RCAN2: variants seen among roughly 807,000 people sequenced by gnomAD.
The protein encoded by RCAN2 is regulator of calcineurin 2.
In RCAN2, 9 loss-of-function variants were observed where a neutral mutation model predicts 23.6. The observed-to-expected ratio is 0.38, with a 90% CI of 0.23 to 0.67. The LOEUF is 0.67. Among genes scored for constraint, RCAN2 ranks in the 30% least tolerant of loss-of-function variants. The pLI is 0.51. For missense variants in RCAN2, 273 were observed against 302.3 expected, an observed-to-expected ratio of 0.90 and a Z score of 0.72; for synonymous variants, 109 against 115.7, an observed-to-expected ratio of 0.94 and a Z score of 0.37.
chr6:46,352,424 G>T (rs1764683980), intron 2 of RCAN2, among the ~76,000 whole-genome samples: 1 of 152,086 alleles, frequency 6.6e-6, no homozygotes, highest in Non-Finnish European at 1.5e-5. Context: ...TCCCCTCTGA[G>T]GACTGAGTTT....
intron 1 of RCAN2, among the ~76,000 whole-genome samples, chr6:46,489,604 C>T (rs1287941588): frequency 3.3e-5 from 5 of 152,234 alleles, no homozygotes; most frequent in Non-Finnish European, 5.9e-5. Context: ...AGAAAGCTCT[C>T]GAGTTCCCAC....
intron 2 of RCAN2, among the ~76,000 whole-genome samples, chr6:46,323,069 GTGTT>G (rs917544583): frequency 6.6e-6 from 1 of 152,174 alleles, no homozygotes; most frequent in African/African-American, 2.4e-5. Flanking sequence ...AGTGGCTAGA[GTGTT>G]TGTGTGTATT....
At chr6:46,359,151 G>A (rs1764923982) in intron 2 of RCAN2, among the ~76,000 whole-genome samples, 1 of 152,186 alleles carries the variant, frequency 6.6e-6, no homozygotes, top group African/African-American at 2.4e-5. Flanking sequence ...AGCTGGTGCT[G>A]TTGCTGGTCC....
intron 2 of RCAN2, among the ~76,000 whole-genome samples, chr6:46,395,638 G>A (rs955907410): frequency 6.6e-6 from 1 of 152,162 alleles, no homozygotes; most frequent in Non-Finnish European, 1.5e-5. Context: ...ATTATGAGAT[G>A]TACTGCTAAA....
At chr6:46,290,097 G>A (rs1417617397) in intron 2 of RCAN2, among the ~76,000 whole-genome samples, 3 of 151,738 alleles carry the variant, frequency 2.0e-5, no homozygotes, top group Non-Finnish European at 4.4e-5. Context: ...CAAAGCTACC[G>A]ACCCTCCATG....
chr6:46,452,327 A>G (rs1767904443), intron 2 of RCAN2, among the ~76,000 whole-genome samples: 1 of 152,182 alleles, frequency 6.6e-6, no homozygotes, highest in Non-Finnish European at 1.5e-5. Flanking sequence ...ACTAATTTAT[A>G]CTATAATAAC....
chr6:46,482,508 G>C (rs1227681463), intron 1 of RCAN2, among the ~76,000 whole-genome samples: 1 of 152,136 alleles, frequency 6.6e-6, no homozygotes, highest in African/African-American at 2.4e-5. Flanking sequence ...CACCATGTCA[G>C]GCTCCCAGAT....
chr6:46,236,566 T>G (rs1424996199), intron 4 of RCAN2, among the ~76,000 whole-genome samples: 1 of 152,186 alleles, frequency 6.6e-6, no homozygotes, highest in Non-Finnish European at 1.5e-5. Flanking sequence ...AGACTTAACC[T>G]TTTGTGACTG....
Position 46,392,518 on chromosome 6 carries a change from C to T in RCAN2, c.225+64234G>A, listed in dbSNP as rs1248126302. 2.6e-5 allele frequency among the ~76,000 whole-genome samples: 4 copies of T among 152,168 alleles called. No homozygotes were observed. In the East Asian group the frequency reaches 5.8e-4, roughly 22 times the overall value. On this transcript the variant is annotated intron_variant, in intron 2 of 4. Transcript: ENST00000371374. ...TAGATACTGCAGTAAGGTCACTGCCCTCTGGAACCTAACACTTAATGGAGG... is the reference window on the plus strand; with the variant it reads ...TAGATACTGCAGTAAGGTCACTGCCTTCTGGAACCTAACACTTAATGGAGG...
At chr6:46,375,148 T>C (rs1026604693) in intron 2 of RCAN2, among the ~76,000 whole-genome samples, 1 of 152,232 alleles carries the variant, frequency 6.6e-6, no homozygotes, top group South Asian at 2.1e-4. Context: ...TTTCACCATG[T>C]TGGCCAGGCT....
chr6:46,455,706 A>C (rs1382326287), intron 2 of RCAN2, among the ~76,000 whole-genome samples: 2 of 151,934 alleles, frequency 1.3e-5, no homozygotes, highest in Non-Finnish European at 2.9e-5. Context: ...AATACAAAAA[A>C]TTAGCTGGGC....
At chr6:46,321,316 T>A (rs1452596487) in intron 2 of RCAN2, among the ~76,000 whole-genome samples, 8 of 152,204 alleles carry the variant, frequency 5.3e-5, no homozygotes, top group Admixed American at 4.6e-4. Context: ...GCATCTCATG[T>A]TAGAATATAT....
At chr6:46,372,642 G>A (rs1454649929) in intron 2 of RCAN2, among the ~76,000 whole-genome samples, 1 of 152,204 alleles carries the variant, frequency 6.6e-6, no homozygotes, top group Non-Finnish European at 1.5e-5. Flanking sequence ...AATTATTTGA[G>A]ATATGATAGT....
chr6:46,374,825 C>A (rs9381446), intron 2 of RCAN2, among the ~76,000 whole-genome samples: 1 of 151,884 alleles, frequency 6.6e-6, no homozygotes, highest in African/African-American at 2.4e-5. Flanking sequence ...AGTTACAGAA[C>A]GATAAAAGAA....
chr6:46,460,856 T>A (rs1394873446), intron 1 of RCAN2, among the ~76,000 whole-genome samples: 1 of 152,236 alleles, frequency 6.6e-6, no homozygotes, highest in Admixed American at 6.5e-5. Flanking sequence ...ACTAATGATA[T>A]ACTATTTCAA....
chr6:46,388,063 T>G (rs1407294851), intron 2 of RCAN2, among the ~76,000 whole-genome samples: 1 of 146,330 alleles, frequency 6.8e-6, no homozygotes, highest in African/African-American at 2.5e-5. Context: ...TGAGAACACT[T>G]GGACCCAGGA....
intron 2 of RCAN2, among the ~76,000 whole-genome samples, chr6:46,275,805 C>G (rs1448986504): frequency 6.6e-6 from 1 of 152,134 alleles, no homozygotes; most frequent in Non-Finnish European, 1.5e-5. Context: ...TCAGATGCGA[C>G]CAGAAAGTTT....
chr6:46,245,096 T>C (rs1345527644), intron 4 of RCAN2, among the ~76,000 whole-genome samples: 1 of 152,254 alleles, frequency 6.6e-6, no homozygotes, highest in Non-Finnish European at 1.5e-5. Flanking sequence ...ATCCTGGATG[T>C]GAACCAGACG....
chr6:46,485,263 G>C (rs577724241), intron 1 of RCAN2, among the ~76,000 whole-genome samples: 1 of 152,280 alleles, frequency 6.6e-6, no homozygotes, highest in South Asian at 2.1e-4. Context: ...CAGCTAATGA[G>C]AAAAATATTC....
Sources: allele counts gnomAD v4.1 joint callset (sites outside exome capture counted in the v4.1 genomes callset), GRCh38; gene constraint gnomAD v4.1.1; transcripts MANE v1.5; gene names NCBI Gene and HGNC (gene_info 2026-07-23, HGNC 2026-07-21).